The following THADA variants were observed in gnomAD, a reference collection of about 807,000 sequenced individuals.
The protein encoded by THADA is tRNA (32-2'-O)-methyltransferase regulator THADA.
Under a neutral mutation model 219.8 loss-of-function variants are expected in THADA, and 213 were observed. That is an observed-to-expected ratio of 0.97 (90% CI 0.87 to 1.09). The LOEUF (loss-of-function observed/expected upper bound fraction) is 1.09. Ranked by LOEUF, THADA falls within the 50% of genes least tolerant of loss-of-function variation. THADA has a pLI of 0.00. For missense variants in THADA, 2,956 were observed against 2,311.3 expected, an observed-to-expected ratio of 1.28 and a Z score of -5.72; for synonymous variants, 1,018 against 828.9, an observed-to-expected ratio of 1.23 and a Z score of -3.92.
Position 43,574,491 on chromosome 2 carries a change from G to A in THADA, c.1574C>T (p.Thr525Ile). The A allele has an allele frequency of 6.2e-7, 1 of 1,613,886 alleles. No homozygotes were observed. The highest frequency in any genetic ancestry group is 8.5e-7 in the Non-Finnish European group (1 of 1,179,876). ...ESSWIDQWHE[T>I]WVSPLLFILC... ...TATAAAAAGGAGAGGAGAAACCCAA[G>A]TCTCATGCCACTGGTCAATCCAAGA... The change falls in exon 11 of 38, where the codon ACT becomes ATT. Residue 525 changes from threonine to isoleucine, a missense_variant. Transcript: ENST00000405975.
chr2:43,527,666 A>G (rs1381841639), intron 22 of THADA, among the ~76,000 whole-genome samples: 1 of 152,170 alleles, frequency 6.6e-6, no homozygotes, highest in Non-Finnish European at 1.5e-5. Context: ...ATCACCTTTC[A>G]ATGACAGAAT....
At chr2:43,515,668 A>C (rs1440499620) in intron 22 of THADA, among the ~76,000 whole-genome samples, 1 of 151,808 alleles carries the variant, frequency 6.6e-6, no homozygotes, top group African/African-American at 2.4e-5. Context: ...TATACCAAAC[A>C]CAAGTTTCTC....
At chr2:43,356,759 T>C (rs928201246) in intron 29 of THADA, among the ~76,000 whole-genome samples, 3 of 152,078 alleles carry the variant, frequency 2.0e-5, no homozygotes, top group Admixed American at 1.3e-4. Context: ...TGTGAAAAAA[T>C]AAACATAAGT....
chr2:43,571,574 G>T, intron 13 of THADA, 133 bp downstream of exon 13: 4 of 790,946 alleles, frequency 5.1e-6, no homozygotes, highest in Non-Finnish European at 7.9e-6. Flanking sequence ...GTCACAGAAC[G>T]GCCGTCATGA....
chr2:43,471,666 T>C (rs538712821), intron 26 of THADA, among the ~76,000 whole-genome samples: 3 of 152,336 alleles, frequency 2.0e-5, no homozygotes, highest in South Asian at 2.1e-4. Context: ...ATATACATCA[T>C]AGACAGAACA....
At chr2:43,264,469 G>T (rs547850278) in intron 36 of THADA, among the ~76,000 whole-genome samples, 4 of 152,122 alleles carry the variant, frequency 2.6e-5, no homozygotes, top group African/African-American at 9.6e-5. Context: ...ATTTTTAGTA[G>T]AGACGGGGTT....
chr2:43,270,655 G>A (rs949649876), intron 36 of THADA, among the ~76,000 whole-genome samples: 4 of 152,238 alleles, frequency 2.6e-5, no homozygotes, highest in Non-Finnish European at 5.9e-5. Context: ...GGGACGTTGG[G>A]CCCATTCCTT....
At chr2:43,353,835 T>TTTTTTTTTTTG in intron 29 of THADA, among the ~76,000 whole-genome samples, 1 of 151,530 alleles carries the variant, frequency 6.6e-6, no homozygotes, top group Non-Finnish European at 1.5e-5. Context: ...TTTTTTTTTT[T>TTTTTTTTTTTG]GAGATGTAGT....
intron 29 of THADA, among the ~76,000 whole-genome samples, chr2:43,365,444 G>A (rs763065997): frequency 5.3e-5 from 8 of 151,832 alleles, no homozygotes; most frequent in Non-Finnish European, 1.0e-4. Flanking sequence ...GGTGGCAGGC[G>A]CCTGTAGTCC....
chr2:43,289,421 T>C (rs943412247), intron 34 of THADA, among the ~76,000 whole-genome samples: 1 of 152,256 alleles, frequency 6.6e-6, no homozygotes, highest in Non-Finnish European at 1.5e-5. Context: ...AAGATGCTAA[T>C]TCCCAACGCA....
chr2:43,439,184 T>C (rs1279004584), intron 26 of THADA, among the ~76,000 whole-genome samples: 2 of 152,158 alleles, frequency 1.3e-5, no homozygotes, highest in African/African-American at 2.4e-5. Context: ...TCGAAAATAT[T>C]AAACGGAAAA....
chr2:43,491,385 A>G (rs75336700), intron 25 of THADA, among the ~76,000 whole-genome samples: 2 of 152,340 alleles, frequency 1.3e-5, no homozygotes, highest in Admixed American at 6.5e-5. Flanking sequence ...ATTGCCATTA[A>G]TAAGTAAAAA....
chr2:43,441,493 G>A (rs1178947910), intron 26 of THADA, among the ~76,000 whole-genome samples: 1 of 152,202 alleles, frequency 6.6e-6, no homozygotes, highest in African/African-American at 2.4e-5. Flanking sequence ...GAGGGTAGGA[G>A]AACCAGAATT....
At chr2:43,340,110 CT>C (rs1666913340) in intron 30 of THADA, among the ~76,000 whole-genome samples, 1 of 152,094 alleles carries the variant, frequency 6.6e-6, no homozygotes, top group South Asian at 2.1e-4. Flanking sequence ...GTTTAGTTTT[CT>C]TTCAGTAGTT....
chr2:43,339,690 T>C (rs987799162), intron 30 of THADA, among the ~76,000 whole-genome samples: 1 of 152,194 alleles, frequency 6.6e-6, no homozygotes, highest in African/African-American at 2.4e-5. Context: ...AAGGAGAAAC[T>C]AGATAGCCAA....
chr2:43,545,317 A>ATATT (rs1356328165), intron 20 of THADA, among the ~76,000 whole-genome samples: 5 of 151,768 alleles, frequency 3.3e-5, no homozygotes, highest in Admixed American at 2.0e-4. Flanking sequence ...TTCATCAAGG[A>ATATT]TATTGGTCTA....
intron 36 of THADA, among the ~76,000 whole-genome samples, chr2:43,253,300 G>C (rs925729188): frequency 1.3e-5 from 2 of 152,156 alleles, no homozygotes; most frequent in East Asian, 3.8e-4. Flanking sequence ...ATGTGTGCAG[G>C]GGAAAGAGCA....
intron 28 of THADA, among the ~76,000 whole-genome samples, chr2:43,414,028 A>G (rs1676638933): frequency 6.6e-6 from 1 of 152,224 alleles, no homozygotes; most frequent in Admixed American, 6.5e-5. Flanking sequence ...TATAATATTT[A>G]ATACAATGTA....
In THADA at chr2:43,590,851, T is replaced by C; in HGVS notation, c.275A>G (p.Lys92Arg). 1 of 1,613,808 alleles carries C rather than the reference T, an allele frequency of 6.2e-7. No individual in the cohort carries two copies. The change falls in exon 4 of 38, where the codon AAG (lysine) becomes AGG (arginine). Residue 92 changes from lysine to arginine, a missense_variant. Lys to Arg is a conservative substitution (Grantham distance 26). Coordinates refer to ENST00000405975, the MANE Select transcript of THADA (RefSeq NM_022065.5). The part of the protein sequence containing the change: ...LAGIYLSLSL[K>R]NPLKKVLASS... ...TGCCAATACTTTCTTCAAGGGATTC[T>C]TTAGACTCAAAGAAAGATAAATGCC...
Sources: allele counts gnomAD v4.1 joint callset (sites outside exome capture counted in the v4.1 genomes callset), GRCh38; gene constraint gnomAD v4.1.1; transcripts MANE v1.5; gene names NCBI Gene and HGNC (gene_info 2026-07-23, HGNC 2026-07-21).